Variants in ARL13B observed in about 807,000 individuals in gnomAD.
ARL13B encodes the protein ARF like GTPase 13B, also known as ADP-ribosylation factor-like protein 13B.
Under a neutral mutation model 56.1 loss-of-function variants are expected in ARL13B, and 36 were observed. The observed-to-expected ratio is 0.64, with a 90% CI of 0.49 to 0.85. ARL13B has a LOEUF of 0.85. Among genes scored for constraint, ARL13B ranks in the 40% least tolerant of loss-of-function variants. The pLI is 0.00. For synonymous variants in ARL13B, 178 were observed against 171.1 expected, an observed-to-expected ratio of 1.04 and a Z score of -0.32; for missense variants, 519 against 507.1, an observed-to-expected ratio of 1.02 and a Z score of -0.23.
intron 3 of ARL13B, among the ~76,000 whole-genome samples, chr3:94,012,297 C>T (rs1320026426): frequency 6.6e-6 from 1 of 152,146 alleles, no homozygotes; most frequent in Admixed American, 6.5e-5. Context: ...TCCACTTGGA[C>T]CTTTTAATAG....
chr3:94,050,819 T>C lies in ARL13B; in HGVS notation c.1142-5T>C. On this transcript the variant is annotated splice_polypyrimidine_tract_variant and splice_region_variant and intron_variant, in intron 8 of 9. Transcript: ENST00000394222. Reference sequence around the variant, plus strand: ...TGTTTTTTAAATGTTTTTCTTTTTCTTTAGTTGGCTGGGGAACCCCTAAAG... The same window carrying C: ...TGTTTTTTAAATGTTTTTCTTTTTCCTTAGTTGGCTGGGGAACCCCTAAAG... 1 of 1,611,348 alleles carries C rather than the reference T, an allele frequency of 6.2e-7. No individual in the cohort carries two copies. Among genetic ancestry groups the C allele is most frequent in the Non-Finnish European group, 8.5e-7 (1 of 1,179,472 alleles).
intron 2 of ARL13B, among the ~76,000 whole-genome samples, chr3:94,000,224 G>A (rs1371563455): frequency 6.6e-6 from 1 of 152,106 alleles, no homozygotes; most frequent in Non-Finnish European, 1.5e-5. Context: ...AATTGGCCAT[G>A]GTCAAAGTAT....
At chr3:94,040,425 G>A (rs1237138747) in intron 6 of ARL13B, among the ~76,000 whole-genome samples, 3 of 152,166 alleles carry the variant, frequency 2.0e-5, no homozygotes, top group Non-Finnish European at 4.4e-5. Flanking sequence ...ACTTAAGGAT[G>A]TTTGAAACTG....
In ARL13B at chr3:94,050,921, T is replaced by C. The variant is rs199528228; in HGVS notation, c.1210+29T>C. 21 of 1,592,192 alleles carry C rather than the reference T, an allele frequency of 1.3e-5. No individual in the cohort carries two copies. In the South Asian group the frequency reaches 1.5e-4, roughly 12 times the overall value. On this transcript the variant is annotated intron_variant, in intron 9 of 9. Transcript: ENST00000394222. ...ATGCAAAAGGATTGGTTTTCAGATA[T>C]CATCTGTACATGTCACATTCACTTT...
chr3:94,014,369 T>C, intron 3 of ARL13B: 1 of 1,510,024 alleles, frequency 6.6e-7, no homozygotes, highest in East Asian at 2.3e-5. Flanking sequence ...CTGGAAAAAG[T>C]TTTAAAATAG....
At position 94,055,430 on chromosome 3, in the gene ARL13B, TTC is replaced by T. The variant is rs1372531588; in HGVS notation, c.*2173_*2174del. Reference sequence around the variant, plus strand: ...TTGATACTTTACACACAAAACTTTTTTCTCTCTGCAAGTTTTTATGTATGTGG... The same window carrying T: ...TTGATACTTTACACACAAAACTTTTTTCTCTGCAAGTTTTTATGTATGTGG... On this transcript the variant is annotated 3_prime_UTR_variant, in exon 10 of 10. Coordinates refer to ENST00000394222, the MANE Select transcript of ARL13B (RefSeq NM_001174150.2). 3 of 452,906 alleles carry T rather than the reference TTC, an allele frequency of 6.6e-6. No individual in the cohort carries two copies. Among genetic ancestry groups the T allele is most frequent in the African/African-American group, 2.0e-5 (1 of 49,990 alleles). 28.1% of individuals were successfully genotyped at this position (452,906 alleles called of 1,614,324 possible).
chr3:94,008,875 GA>G (rs2076175866), intron 3 of ARL13B, among the ~76,000 whole-genome samples: 1 of 152,070 alleles, frequency 6.6e-6, no homozygotes, highest in African/African-American at 2.4e-5. Context: ...GGAGTTACAT[GA>G]ACTACCTTAA....
chr3:94,008,148 TAA>T (rs980836139), intron 3 of ARL13B, among the ~76,000 whole-genome samples: 1 of 152,178 alleles, frequency 6.6e-6, no homozygotes, highest in African/African-American at 2.4e-5. Context: ...GCATTCCTTT[TAA>T]AGAGAGTAAA....
chr3:93,983,541 C>T (rs1408224340), intron 1 of ARL13B, among the ~76,000 whole-genome samples: 1 of 152,168 alleles, frequency 6.6e-6, no homozygotes, highest in Non-Finnish European at 1.5e-5. Flanking sequence ...GTTTCTACTC[C>T]TACCAACAGT....
chr3:93,986,633 G>A (rs146795697), intron 1 of ARL13B, among the ~76,000 whole-genome samples: 26 of 152,176 alleles, frequency 1.7e-4, no homozygotes, highest in African/African-American at 5.5e-4. Context: ...TGTTTTTAGC[G>A]AAATGTTTTC....
chr3:94,045,402 C>T (rs2076963992), intron 7 of ARL13B, among the ~76,000 whole-genome samples: 2 of 149,510 alleles, frequency 1.3e-5, no homozygotes, highest in South Asian at 2.2e-4. Flanking sequence ...ATGACCGTGC[C>T]ACATCCCCCT....
intron 3 of ARL13B, among the ~76,000 whole-genome samples, chr3:94,013,418 T>C (rs533005925): frequency 6.6e-6 from 1 of 152,344 alleles, no homozygotes; most frequent in East Asian, 1.9e-4. Flanking sequence ...TATAGCATTA[T>C]CTTAAAGTCA....
In ARL13B at chr3:93,985,941, T is replaced by G. The variant is rs529924801; in HGVS notation, c.59+5459T>G. ...TTTTGTCCTCTTTGCTATGAACTTT[T>G]TCACTGAGGGAATACTTAGCTCCCT... On this transcript the variant is annotated intron_variant, in intron 1 of 9. Coordinates refer to ENST00000394222, the MANE Select transcript of ARL13B (RefSeq NM_001174150.2). Among the ~76,000 whole-genome samples the G allele has an allele frequency of 3.3e-5, 5 of 152,332 alleles. No homozygotes were observed. In the South Asian group the frequency reaches 1.0e-3, roughly 32 times the overall value.
intron 3 of ARL13B, among the ~76,000 whole-genome samples, chr3:94,019,546 C>T (rs2076404676): frequency 1.3e-5 from 2 of 152,044 alleles, no homozygotes; most frequent in Admixed American, 1.3e-4. Flanking sequence ...CCTAAGTGTT[C>T]TCCTTGTTTC....
intron 3 of ARL13B, among the ~76,000 whole-genome samples, chr3:94,009,072 T>TAAAG (rs891748444): frequency 3.0e-4 from 30 of 100,574 alleles, no homozygotes; most frequent in African/African-American, 9.9e-4. Flanking sequence ...CAAGGAGCAG[T>TAAAG]AAAGATAGAT....
intron 8 of ARL13B, among the ~76,000 whole-genome samples, 198 bp downstream of exon 8, chr3:94,049,720 T>C (rs887668748): frequency 6.6e-6 from 1 of 152,062 alleles, no homozygotes; most frequent in Non-Finnish European, 1.5e-5. Context: ...AAAAAAATGT[T>C]TTATAAAGAA....
intron 3 of ARL13B, among the ~76,000 whole-genome samples, chr3:94,031,755 A>G (rs1259416252): frequency 6.6e-6 from 1 of 152,214 alleles, no homozygotes; most frequent in Non-Finnish European, 1.5e-5. Context: ...AAATTATACT[A>G]CAAGGTTATT....
chr3:93,986,510 A>G (rs1246389647), intron 1 of ARL13B, among the ~76,000 whole-genome samples: 1 of 152,038 alleles, frequency 6.6e-6, no homozygotes, highest in Admixed American at 6.5e-5. Context: ...CTTTTTTTGT[A>G]TATGTATTTG....
At chr3:93,990,091 A>T (rs1404804435) in intron 1 of ARL13B, among the ~76,000 whole-genome samples, 1 of 151,736 alleles carries the variant, frequency 6.6e-6, no homozygotes, top group African/African-American at 2.4e-5. Flanking sequence ...GGCAACCTCC[A>T]CCTCCTGGGT....
Sources: allele counts gnomAD v4.1 joint callset (sites outside exome capture counted in the v4.1 genomes callset), GRCh38; gene constraint gnomAD v4.1.1; transcripts MANE v1.5; gene names NCBI Gene and HGNC (gene_info 2026-07-23, HGNC 2026-07-21).